The following PDGFA variants were observed in gnomAD, a reference collection of about 807,000 sequenced individuals.
PDGFA encodes platelet-derived growth factor subunit A.
In PDGFA, 9 loss-of-function variants were observed where a neutral mutation model predicts 25.6. The ratio of observed to expected loss-of-function variants is 0.35; its 90% CI spans 0.21 to 0.61. The LOEUF is 0.61. Ranked by LOEUF, PDGFA falls within the 20% of genes least tolerant of loss-of-function variation. PDGFA has a pLI of 0.75. For missense variants in PDGFA, 242 were observed against 272.8 expected (o/e 0.89, Z 0.79); for synonymous variants, 133 against 111.8 (o/e 1.19, Z -1.20).
chr7:502,668 C>G (rs1782396143), intron 4 of PDGFA, among the ~76,000 whole-genome samples: 1 of 152,138 alleles, frequency 6.6e-6, no homozygotes, highest in South Asian at 2.1e-4. Flanking sequence ...ACATGGGGGT[C>G]CTGCCTCCAC....
At chr7:507,740 C>G (rs1417788743) in intron 4 of PDGFA, among the ~76,000 whole-genome samples, 2 of 152,206 alleles carry the variant, frequency 1.3e-5, no homozygotes, top group African/African-American at 4.8e-5. Flanking sequence ...ATGCCAAGGC[C>G]CACCGAAAGG....
In PDGFA at chr7:500,850, G is replaced by A; in HGVS notation, c.580+266C>T. On this transcript the variant is annotated intron_variant, in intron 5 of 5. Transcript: ENST00000402802. This position sits in a 1 kb window ranked among gnomAD's most constrained non-coding sequence, Gnocchi z 5.0. ...CCCACTAATGAATTGGGTGTCTTAT[G>A]CACTCCCAGCCCCTCTCAGTGAGAC... 6.6e-7 allele frequency: 1 copy of A among 1,519,620 alleles called. No individual in the cohort carries two copies. Among genetic ancestry groups the A allele is most frequent in the Admixed American group, 2.0e-5 (1 of 51,206 alleles). The allele number at this position is 1,519,620 out of a possible 1,614,324, so 94.1% of individuals were successfully genotyped here. A position where few individuals can be genotyped will look rare whatever the true frequency, so the allele number is the denominator to read the frequency against.
chr7:505,373 C>T (rs1423330948), intron 4 of PDGFA, among the ~76,000 whole-genome samples: 4 of 152,214 alleles, frequency 2.6e-5, no homozygotes, highest in Non-Finnish European at 5.9e-5. Flanking sequence ...GCCGCCCCAC[C>T]TCAACACTCC....
exon 6 of PDGFA, chr7:497,969 A>AAAAAC (rs1782159703): frequency 3.0e-5 from 4 of 133,840 alleles, no homozygotes; most frequent in East Asian, 2.4e-4. Context: ...CAAAAAAAAA[A>AAAAAC]AAAACAAAAC....
exon 6 of PDGFA, chr7:498,456 G>C (rs1024501918): frequency 1.0e-5 from 11 of 1,064,088 alleles, no homozygotes; most frequent in Non-Finnish European, 1.4e-5. Context: ...AGTTTTTCAC[G>C]GAGGAGAACA....
chr7:516,618 GCCCTGAGCGGGCGGGCGGCCACCCTACA>G (rs1205528934), intron 2 of PDGFA, among the ~76,000 whole-genome samples: 1 of 152,218 alleles, frequency 6.6e-6, no homozygotes. Context: ...GGGCTCTCTA[GCCCTGAGCGGGCGGGCGGCCACCCTACA>G]CCCTCGCCCC....
At chr7:510,040 C>G (rs1288365354) in intron 4 of PDGFA, among the ~76,000 whole-genome samples, 1 of 55,510 alleles carries the variant, frequency 1.8e-5, no homozygotes, top group Admixed American at 2.2e-4. Context: ...TGAATATCCA[C>G]CCCCTACTCC....
intron 4 of PDGFA, among the ~76,000 whole-genome samples, chr7:504,407 C>A (rs528410484): frequency 6.6e-6 from 1 of 152,266 alleles, no homozygotes; most frequent in Non-Finnish European, 1.5e-5. Flanking sequence ...CTCCCTGAGT[C>A]AAGAACTGCC....
chr7:513,376 C>T (rs1397098478), intron 2 of PDGFA: 4 of 151,596 alleles, frequency 2.6e-5, no homozygotes. Context: ...TCAGGTCTCT[C>T]CAAATCCCGC....
chr7:500,836 A>T lies in PDGFA; in HGVS notation c.580+280T>A, dbSNP rs1379886714. On this transcript the variant is annotated intron_variant, in intron 5 of 5. Transcript: ENST00000402802. This position sits in a 1 kb window ranked among gnomAD's most constrained non-coding sequence, Gnocchi z 5.0. ...GCTCAGCCCCGCAGCCCACTAATGA[A>T]TTGGGTGTCTTATGCACTCCCAGCC... 21 of 1,497,480 alleles carry T rather than the reference A, an allele frequency of 1.4e-5. No homozygotes were observed. In the East Asian group the frequency reaches 5.1e-4, roughly 36 times the overall value. The allele number at this position is 1,497,480 out of a possible 1,614,324, so 92.8% of individuals were successfully genotyped here.
chr7:501,751 C>T (rs1782350435), intron 4 of PDGFA, among the ~76,000 whole-genome samples: 1 of 152,134 alleles, frequency 6.6e-6, no homozygotes, highest in Non-Finnish European at 1.5e-5. Flanking sequence ...CAGACTCATC[C>T]TATTTTTGTT....
chr7:500,342 G>A lies in PDGFA; in HGVS notation c.580+774C>T. 6.9e-7 allele frequency: 1 copy of A among 1,450,968 alleles called. No individual in the cohort carries two copies. The highest frequency in any genetic ancestry group is 1.2e-5 in the South Asian group (1 of 86,228). 89.9% of individuals were successfully genotyped at this position (1,450,968 alleles called of 1,614,324 possible). On this transcript the variant is annotated intron_variant, in intron 5 of 5. Transcript: ENST00000402802. This position sits in a 1 kb window ranked among gnomAD's most constrained non-coding sequence, Gnocchi z 5.0. ...CAGGGCCACATCCCCGCCGCACCCG[G>A]CGAGACAGGAAGCGTGATTTGCTGG...
chr7:516,976 G>C (rs1027330054), intron 2 of PDGFA, among the ~76,000 whole-genome samples: 1 of 151,216 alleles, frequency 6.6e-6, no homozygotes, highest in Non-Finnish European at 1.5e-5. Flanking sequence ...CCCGCCCGTC[G>C]GACCGGGAGC....
intron 4 of PDGFA, among the ~76,000 whole-genome samples, chr7:508,294 T>C (rs549628766): frequency 3.5e-4 from 53 of 152,174 alleles, no homozygotes; most frequent in Non-Finnish European, 6.5e-4. Context: ...ATCATTTCAG[T>C]GACCCCATAT....
exon 6 of PDGFA, chr7:497,536 C>T (rs1304959600): frequency 6.6e-6 from 1 of 152,218 alleles, no homozygotes; most frequent in African/African-American, 2.4e-5. Context: ...CAATGCATCT[C>T]ACGTGCCGCG....
At chr7:505,735 C>G (rs903978908) in intron 4 of PDGFA, among the ~76,000 whole-genome samples, 1 of 152,186 alleles carries the variant, frequency 6.6e-6, no homozygotes, top group African/African-American at 2.4e-5. Flanking sequence ...CGTTGAATCT[C>G]CATCCCTAGC....
intron 4 of PDGFA, among the ~76,000 whole-genome samples, chr7:509,715 C>T (rs1782714826): frequency 6.6e-6 from 1 of 152,180 alleles, no homozygotes; most frequent in Admixed American, 6.5e-5. Flanking sequence ...TCTATGAACC[C>T]AGAAAACACG....
At chr7:512,854 A>T in intron 2 of PDGFA, 1 of 339,642 alleles carries the variant, frequency 2.9e-6, no homozygotes. Context: ...CACCTCCCCG[A>T]GGGGCACAGG....
At chr7:515,157 T>A (rs2128404838) in intron 2 of PDGFA, among the ~76,000 whole-genome samples, 1 of 152,304 alleles carries the variant, frequency 6.6e-6, no homozygotes, top group East Asian at 1.9e-4. Context: ...TAGAGGCACC[T>A]AATGCCAAGA....
Sources: allele counts gnomAD v4.1 joint callset (sites outside exome capture counted in the v4.1 genomes callset), GRCh38; gene constraint gnomAD v4.1.1; non-coding constraint Gnocchi (gnomAD v3.1); transcripts MANE v1.5; gene names NCBI Gene and HGNC (gene_info 2026-07-23, HGNC 2026-07-21).